The following BTBD1 variants were observed in gnomAD, a reference collection of about 807,000 sequenced individuals.
BTBD1 encodes BTB/POZ domain-containing protein 1.
In BTBD1, 34 loss-of-function variants were observed where a neutral mutation model predicts 48.0. The ratio of observed to expected loss-of-function variants is 0.71; its 90% confidence interval spans 0.54 to 0.94. The LOEUF (loss-of-function observed/expected upper bound fraction) is 0.94, where lower values mean the gene tolerates loss of function less well. Ranked by LOEUF, BTBD1 falls within the 40% of genes least tolerant of loss-of-function variation. The pLI, the probability that BTBD1 is intolerant of heterozygous loss-of-function variation, is 0.00. For synonymous variants in BTBD1, 261 were observed against 242.1 expected, an observed-to-expected ratio of 1.08 and a Z score of -0.72; for missense variants, 543 against 625.6, an observed-to-expected ratio of 0.87 and a Z score of 1.41.
At chr15:83,059,109 G>A (rs1371527791) in intron 1 of BTBD1, among the ~76,000 whole-genome samples, 1 of 152,200 alleles carries the variant, frequency 6.6e-6, no homozygotes, top group Non-Finnish European at 1.5e-5. Context: ...AATGTCTTCT[G>A]TATGAGGGGA....
intron 5 of BTBD1, among the ~76,000 whole-genome samples, chr15:83,023,406 G>T (rs776141344): frequency 6.6e-6 from 1 of 152,064 alleles, no homozygotes; most frequent in Non-Finnish European, 1.5e-5. Flanking sequence ...TTTAGACAGG[G>T]TCTTGCTCTG....
chr15:83,064,708 T>C, intron 1 of BTBD1, among the ~76,000 whole-genome samples: 1 of 152,144 alleles, frequency 6.6e-6, no homozygotes, highest in Admixed American at 6.5e-5. Flanking sequence ...GGATGAGATC[T>C]ACACATTTCA....
intron 1 of BTBD1, among the ~76,000 whole-genome samples, chr15:83,065,441 G>A (rs141099144): frequency 2.6e-4 from 40 of 152,210 alleles, no homozygotes; most frequent in African/African-American, 9.4e-4. Flanking sequence ...TTATCCATTC[G>A]TCAATGGAAT....
chr15:83,017,840 A>T lies in BTBD1; in HGVS notation c.*227T>A. 1 of 269,526 alleles carries T rather than the reference A, an allele frequency of 3.7e-6. No homozygotes were observed. Among genetic ancestry groups the T allele is most frequent in the Non-Finnish European group, 6.9e-6 (1 of 145,822 alleles). 16.7% of individuals were successfully genotyped at this position (269,526 alleles called of 1,614,324 possible). Reference sequence around the variant, plus strand: ...AGGTGAAAAAGCTGTGCTTTTTTTTAAACCATTAAACCCAGTTCTTTTCTC... The same window carrying T: ...AGGTGAAAAAGCTGTGCTTTTTTTTTAACCATTAAACCCAGTTCTTTTCTC... On this transcript the variant is annotated 3_prime_UTR_variant, in exon 8 of 8. Coordinates refer to ENST00000261721, the MANE Select transcript of BTBD1 (RefSeq NM_025238.4).
intron 1 of BTBD1, among the ~76,000 whole-genome samples, chr15:83,057,816 T>C (rs1476513736): frequency 6.6e-6 from 1 of 152,254 alleles, no homozygotes; most frequent in Non-Finnish European, 1.5e-5. Context: ...CCAACTTCAC[T>C]ATTCTAAGCA....
In BTBD1 at chr15:83,041,777, T is replaced by C. The variant is rs765714197; in HGVS notation, c.813A>G (p.Ala271=). ...TCAGTGGGAACCGGATTAAGGAAAG[T>C]GCTTTTCCTAGAACTTTTTGTTTAT... The part of the protein sequence containing the change: ...FGNKQKVLGK[A]LSLIRFPLMT... Residue 271 remains alanine (A), a synonymous_variant, in exon 4 of 8, where the codon GCA becomes GCG. Transcript: ENST00000261721. 1 of 1,614,190 alleles carries C rather than the reference T, an allele frequency of 6.2e-7. No homozygotes were observed. The highest frequency in any genetic ancestry group is 8.5e-7 in the Non-Finnish European group (1 of 1,180,022).
intron 1 of BTBD1, 29 bp downstream of exon 1, chr15:83,066,719 CCCG>C (rs1376075861): frequency 7.1e-6 from 9 of 1,274,522 alleles, no homozygotes; most frequent in African/African-American, 4.8e-5. Flanking sequence ...CCCGGCCCGG[CCCG>C]GCCCGGCCCG....
intron 1 of BTBD1, among the ~76,000 whole-genome samples, chr15:83,057,145 T>C (rs189754197): frequency 6.6e-6 from 1 of 152,174 alleles, no homozygotes; most frequent in South Asian, 2.1e-4. Context: ...TCCTCTCACA[T>C]AGAAGGAAGG....
At chr15:83,044,204 T>C (rs2032825646) in intron 3 of BTBD1, among the ~76,000 whole-genome samples, 1 of 152,202 alleles carries the variant, frequency 6.6e-6, no homozygotes, top group Non-Finnish European at 1.5e-5. Flanking sequence ...GCATTAATAA[T>C]CACAAGAATC....
intron 3 of BTBD1, chr15:83,044,360 T>C (rs2032832622): frequency 1.3e-6 from 2 of 1,505,412 alleles, no homozygotes; most frequent in African/African-American, 2.8e-5. Flanking sequence ...CGCCCGCCCG[T>C]GCCCACCATG....
chr15:83,017,021 A>G lies in BTBD1; in HGVS notation c.*1046T>C, dbSNP rs3087804. 0.43 allele frequency: 64,905 copies of G among 152,464 alleles called. 14,373 individuals carry two copies. The highest frequency in any genetic ancestry group is 0.54 in the Middle Eastern group (159 of 294). The allele number at this position is 152,464 out of a possible 1,614,324, so 9.4% of individuals were successfully genotyped here. ...CTGCTTTATAAAAAAGTGTATAAATATCAATCTGCCAGATATACTTCCTAT... is the reference window on the plus strand; with the variant it reads ...CTGCTTTATAAAAAAGTGTATAAATGTCAATCTGCCAGATATACTTCCTAT... On this transcript the variant is annotated 3_prime_UTR_variant, in exon 8 of 8. Transcript: ENST00000261721.
At chr15:83,061,910 A>G (rs1279168843) in intron 1 of BTBD1, 1 of 152,264 alleles carries the variant, frequency 6.6e-6, no homozygotes, top group Non-Finnish European at 1.5e-5. Context: ...GAGATTAATT[A>G]GATGAGCCAG....
At chr15:83,033,471 A>C (rs1455706923) in intron 4 of BTBD1, among the ~76,000 whole-genome samples, 2 of 152,252 alleles carry the variant, frequency 1.3e-5, no homozygotes, top group Non-Finnish European at 2.9e-5. Flanking sequence ...TAACATATGA[A>C]ACATTAAAAT....
intron 3 of BTBD1, among the ~76,000 whole-genome samples, chr15:83,046,527 T>C (rs1325794241): frequency 6.6e-6 from 1 of 152,190 alleles, no homozygotes; most frequent in African/African-American, 2.4e-5. Flanking sequence ...ACAAGGCACA[T>C]ACTTCAAGAT....
intron 4 of BTBD1, among the ~76,000 whole-genome samples, chr15:83,032,694 C>T (rs1237281129): frequency 6.6e-6 from 1 of 151,958 alleles, no homozygotes; most frequent in Non-Finnish European, 1.5e-5. Flanking sequence ...GAGGCAAAGG[C>T]CTAAGAATGA....
intron 6 of BTBD1, 76 bp from the exon 7 acceptor site, chr15:83,018,929 T>C (rs2032228352): frequency 1.2e-5 from 13 of 1,129,252 alleles, no homozygotes; most frequent in South Asian, 2.9e-5. Context: ...ATAAAGCCCT[T>C]AGCAATGTGT....
intron 4 of BTBD1, 78 bp downstream of exon 4, chr15:83,041,650 A>T: frequency 1.5e-6 from 2 of 1,340,200 alleles, no homozygotes; most frequent in Non-Finnish European, 2.1e-6. Flanking sequence ...CTGGGATTAT[A>T]GGTGTGAGCC....
chr15:83,042,389 T>TATATATATATATATG (rs2032784588), intron 3 of BTBD1, among the ~76,000 whole-genome samples: 1 of 119,444 alleles, frequency 8.4e-6, no homozygotes, highest in Non-Finnish European at 1.8e-5. Flanking sequence ...TATGTATATA[T>TATATATATATATATG]TTTGGATATA....
At chr15:83,066,724 CCCG>C in intron 1 of BTBD1, 24 bp downstream of exon 1, 1 of 1,288,914 alleles carries the variant, frequency 7.8e-7, no homozygotes, top group Non-Finnish European at 9.8e-7. Flanking sequence ...CCCGGCCCGG[CCCG>C]GCCCGGCCCG....
Sources: gnomAD v4.1 joint callset for allele counts (sites outside exome capture counted in the v4.1 genomes callset) on GRCh38, gnomAD v4.1.1 for gene constraint, MANE v1.5 for transcripts, NCBI Gene and HGNC (gene_info 2026-07-23, HGNC 2026-07-21) for gene names.